Variants in EDEM3 observed in about 807,000 individuals in gnomAD.
The protein encoded by EDEM3 is ER degradation-enhancing alpha-mannosidase-like protein 3.
A neutral mutation model predicts 110.2 loss-of-function variants in EDEM3; 60 were observed. The ratio of observed to expected loss-of-function variants is 0.54; its 90% CI spans 0.44 to 0.67. EDEM3 has a LOEUF of 0.67. EDEM3 is among the 30% of genes least tolerant of loss of function. The pLI is 0.00. For missense variants in EDEM3, 996 were observed against 1,121.0 expected, an observed-to-expected ratio of 0.89 and a Z score of 1.59; for synonymous variants, 352 against 382.9, an observed-to-expected ratio of 0.92 and a Z score of 0.94.
chr1:184,703,358 G>A (rs1423485161), intron 18 of EDEM3, among the ~76,000 whole-genome samples: 2 of 152,048 alleles, frequency 1.3e-5, no homozygotes, highest in Non-Finnish European at 2.9e-5. Flanking sequence ...ATATGCTTAT[G>A]GAAAAGCCTA....
At chr1:184,710,321 T>C in intron 16 of EDEM3, 73 bp downstream of exon 16, 1 of 1,518,674 alleles carries the variant, frequency 6.6e-7, no homozygotes. Flanking sequence ...TGAAATCCAT[T>C]ATCTTATTAA....
chr1:184,721,183 C>A, intron 9 of EDEM3, 106 bp downstream of exon 9: 1 of 883,944 alleles, frequency 1.1e-6, no homozygotes, highest in South Asian at 1.7e-5. Flanking sequence ...AAAACCACTA[C>A]ACATTTTAAA....
At position 184,712,469 on chromosome 1, in the gene EDEM3, G is replaced by A. The variant is rs1368246907; in HGVS notation, c.1500C>T (p.Leu500=). 1.2e-6 allele frequency: 2 copies of A among 1,603,002 alleles called. No homozygotes were observed. The highest frequency in any genetic ancestry group is 2.7e-5 in the African/African-American group (2 of 74,140). Reference sequence around the variant, plus strand: ...TAGAGATGCTTTGATTTGTAGTAGAGAGCCAAAGAGGTAACAGATGAGCTT... The same window carrying A: ...TAGAGATGCTTTGATTTGTAGTAGAAAGCCAAAGAGGTAACAGATGAGCTT... The part of the protein sequence containing the change: ...TTEAHLLPLW[L]STTNQSISKK... Residue 500 remains leucine (L), a synonymous_variant, in exon 14 of 20, where the codon CTC becomes CTT. Transcript: ENST00000318130.
intron 9 of EDEM3, 63 bp downstream of exon 9, chr1:184,721,226 G>A: frequency 7.9e-7 from 1 of 1,268,684 alleles, no homozygotes; most frequent in Non-Finnish European, 1.1e-6. Flanking sequence ...AGGTAATGGA[G>A]TTTCTATAAA....
At chr1:184,718,777 A>G (rs778122000) in intron 11 of EDEM3, among the ~76,000 whole-genome samples, 4 of 152,278 alleles carry the variant, frequency 2.6e-5, no homozygotes, top group East Asian at 3.9e-4. Context: ...TACTGTTTTC[A>G]TAAGACAAGC....
chr1:184,731,741 G>A (rs892682697), intron 6 of EDEM3, among the ~76,000 whole-genome samples: 5 of 152,246 alleles, frequency 3.3e-5, no homozygotes, highest in Admixed American at 2.6e-4. Context: ...TCCTTCTGCA[G>A]CATAATCTAA....
chr1:184,708,888 T>C (rs546764721), intron 16 of EDEM3, among the ~76,000 whole-genome samples: 2 of 152,284 alleles, frequency 1.3e-5, no homozygotes, highest in South Asian at 2.1e-4. Context: ...GGAGCACAGA[T>C]GAGGGAACAA....
chr1:184,706,329 G>C (rs979062183), intron 18 of EDEM3, among the ~76,000 whole-genome samples: 1 of 152,042 alleles, frequency 6.6e-6, no homozygotes, highest in African/African-American at 2.4e-5. Flanking sequence ...CTTGCCCTTC[G>C]GGGGTTATGG....
At chr1:184,716,057 C>T (rs936345752) in intron 13 of EDEM3, among the ~76,000 whole-genome samples, 1 of 152,158 alleles carries the variant, frequency 6.6e-6, no homozygotes, top group Non-Finnish European at 1.5e-5. Context: ...CCTTCAGGAA[C>T]CCTTCGCTGA....
At chr1:184,737,946 T>G (rs1308777027) in intron 2 of EDEM3, among the ~76,000 whole-genome samples, 1 of 152,024 alleles carries the variant, frequency 6.6e-6, no homozygotes, top group Non-Finnish European at 1.5e-5. Context: ...TCCCCTCCCC[T>G]CCCCAATCTC....
intron 9 of EDEM3, 133 bp from the exon 10 acceptor site, chr1:184,719,701 T>C (rs1650774449): frequency 1.1e-6 from 1 of 878,600 alleles, no homozygotes; most frequent in Admixed American, 3.4e-5. Flanking sequence ...CCAATTTATA[T>C]AAATATTTAA....
At position 184,726,395 on chromosome 1, in the gene EDEM3, T is replaced by C. The variant is rs1165299256; in HGVS notation, c.613-6A>G. The C allele has an allele frequency of 6.2e-7, 1 of 1,611,838 alleles. No homozygotes were observed. Among genetic ancestry groups the C allele is most frequent in the Non-Finnish European group, 8.5e-7 (1 of 1,178,904 alleles). On this transcript the variant is annotated splice_polypyrimidine_tract_variant and splice_region_variant and intron_variant, in intron 6 of 19. Transcript: ENST00000318130. ...ATGCCAAACTTTAAATTAATCTGAATACAATTAGAAAATTGTCATTAGCAG... is the reference window on the plus strand; with the variant it reads ...ATGCCAAACTTTAAATTAATCTGAACACAATTAGAAAATTGTCATTAGCAG...
chr1:184,721,302 T>G lies in EDEM3; in HGVS notation c.938A>C (p.Glu313Ala), dbSNP rs778654108. ...YVLLGDDSFLERFNTHYDAIM... is the reference protein window; with the variant it reads ...YVLLGDDSFLARFNTHYDAIM... ...GTATCAACTTACTGTGTTAAATCTT[T>G]CCAGAAAACTGTCATCTCCAAGCAA... Residue 313 changes from glutamate to alanine, a missense_variant, in exon 9 of 20, where the codon GAA becomes GCA. Physicochemically the swap from Glu to Ala is moderately radical, Grantham distance 107. Around this residue, in one of 5 missense-constraint regions of EDEM3, gnomAD observed 310 missense variants for 394.6 expected, o/e 0.79. Transcript: ENST00000318130. 6.2e-7 allele frequency: 1 copy of G among 1,601,364 alleles called. No individual in the cohort carries two copies. Among genetic ancestry groups the G allele is most frequent in the Admixed American group, 1.7e-5 (1 of 57,376 alleles).
intron 5 of EDEM3, among the ~76,000 whole-genome samples, chr1:184,734,288 G>A (rs927770855): frequency 3.3e-5 from 5 of 152,128 alleles, no homozygotes; most frequent in African/African-American, 1.2e-4. Context: ...GGCCATCATG[G>A]TGAAACCCCG....
chr1:184,728,661 G>A (rs910569982), intron 6 of EDEM3, among the ~76,000 whole-genome samples: 1 of 151,120 alleles, frequency 6.6e-6, no homozygotes, highest in Non-Finnish European at 1.5e-5. Context: ...CTAGGCTGGA[G>A]TGCAGTGGCA....
At chr1:184,733,626 G>A (rs974505291) in intron 5 of EDEM3, among the ~76,000 whole-genome samples, 3 of 151,876 alleles carry the variant, frequency 2.0e-5, no homozygotes, top group Non-Finnish European at 2.9e-5. Flanking sequence ...TCAGGATATC[G>A]AGACCATCCT....
chr1:184,726,023 C>T (rs1651172086), intron 7 of EDEM3, among the ~76,000 whole-genome samples: 1 of 152,018 alleles, frequency 6.6e-6, no homozygotes, highest in Non-Finnish European at 1.5e-5. Context: ...TAAGACTAAA[C>T]CTAAACATAT....
chr1:184,741,501 AT>A (rs1652138653), intron 2 of EDEM3, among the ~76,000 whole-genome samples: 2 of 152,140 alleles, frequency 1.3e-5, no homozygotes, highest in Admixed American at 6.5e-5. Context: ...TAGTTTTGCT[AT>A]TTTTTTCATT....
chr1:184,735,035 G>T (rs1651745777), intron 4 of EDEM3, among the ~76,000 whole-genome samples: 1 of 152,128 alleles, frequency 6.6e-6, no homozygotes, highest in South Asian at 2.1e-4. Flanking sequence ...TCAGAAGAAA[G>T]CACTTTCTTC....
Sources: allele counts gnomAD v4.1 joint callset (sites outside exome capture counted in the v4.1 genomes callset), GRCh38; gene constraint gnomAD v4.1.1; regional missense constraint gnomAD v4.1.1; transcripts MANE v1.5; gene names NCBI Gene and HGNC (gene_info 2026-07-23, HGNC 2026-07-21).